The following ATG4C variants were observed in gnomAD, a reference collection of about 807,000 sequenced individuals.
The protein encoded by ATG4C is cysteine protease ATG4C.
ATG4C carries 56 observed loss-of-function variants against 57.6 expected under a neutral mutation model. The ratio of observed to expected loss-of-function variants is 0.97; its 90% confidence interval spans 0.78 to 1.21. The LOEUF is 1.21. Among genes scored for constraint, ATG4C ranks in the 50% most tolerant of loss-of-function variants. The pLI is 0.00. For synonymous variants in ATG4C, 157 were observed against 174.1 expected, an observed-to-expected ratio of 0.90 and a Z score of 0.78; for missense variants, 595 against 529.8, an observed-to-expected ratio of 1.12 and a Z score of -1.21.
chr1:62,838,327 T>TA (rs1666058934), intron 9 of ATG4C, among the ~76,000 whole-genome samples: 1 of 152,010 alleles, frequency 6.6e-6, no homozygotes, highest in African/African-American at 2.4e-5. Flanking sequence ...TTTTAAAAAT[T>TA]AAAAAAAATC....
chr1:62,829,216 C>T, intron 7 of ATG4C, 40 bp downstream of exon 7: 4 of 1,597,942 alleles, frequency 2.5e-6, no homozygotes, highest in Non-Finnish European at 3.4e-6. Flanking sequence ...GCAATACTAG[C>T]TAATATGAAA....
At chr1:62,860,791 T>C (rs1050998777) in intron 10 of ATG4C, among the ~76,000 whole-genome samples, 2 of 152,212 alleles carry the variant, frequency 1.3e-5, no homozygotes, top group African/African-American at 4.8e-5. Context: ...ATATGCTACA[T>C]AGATATACAC....
At chr1:62,861,240 A>G (rs1326396857) in intron 10 of ATG4C, among the ~76,000 whole-genome samples, 1 of 152,146 alleles carries the variant, frequency 6.6e-6, no homozygotes, top group Non-Finnish European at 1.5e-5. Context: ...TAGAAGAATT[A>G]CATGTTAGAA....
intron 10 of ATG4C, 71 bp downstream of exon 10, chr1:62,841,618 A>G: frequency 7.9e-7 from 1 of 1,260,702 alleles, no homozygotes. Context: ...AGAAAGCAAA[A>G]ACCTGTAAAT....
At chr1:62,800,449 G>A (rs1036472508) in intron 1 of ATG4C, among the ~76,000 whole-genome samples, 1 of 151,878 alleles carries the variant, frequency 6.6e-6, no homozygotes, top group African/African-American at 2.4e-5. Context: ...CTGTCCCTGC[G>A]CTTGCCTGTG....
intron 9 of ATG4C, among the ~76,000 whole-genome samples, chr1:62,837,642 T>C (rs1666036923): frequency 6.6e-6 from 1 of 152,204 alleles, no homozygotes; most frequent in South Asian, 2.1e-4. Flanking sequence ...TGTTTTAATC[T>C]ACCTTAGGAA....
chr1:62,796,112 C>A (rs981927209), intron 1 of ATG4C, among the ~76,000 whole-genome samples: 3 of 149,702 alleles, frequency 2.0e-5, no homozygotes, highest in African/African-American at 4.9e-5. Context: ...ATAATTATGG[C>A]TAAATTATTA....
chr1:62,830,076 A>G (rs535249444), intron 7 of ATG4C, among the ~76,000 whole-genome samples: 3 of 152,114 alleles, frequency 2.0e-5, no homozygotes, highest in Non-Finnish European at 4.4e-5. Flanking sequence ...AATTCTAGAA[A>G]TCTAGAGCAG....
At chr1:62,855,653 T>G (rs1294503589) in intron 10 of ATG4C, among the ~76,000 whole-genome samples, 1 of 152,226 alleles carries the variant, frequency 6.6e-6, no homozygotes, top group Non-Finnish European at 1.5e-5. Flanking sequence ...CTAACATTTG[T>G]TGAGTCTTCA....
rs1358337522 is a variant in ATG4C, at chr1:62,864,028, T to C, written c.1246T>C (p.Phe416Leu). 8.8e-6 allele frequency: 14 copies of C among 1,585,354 alleles called. No individual in the cohort carries two copies. The highest frequency in any genetic ancestry group is 1.0e-5 in the Non-Finnish European group (12 of 1,169,858). ...TTCTTCTAAGGAGAAATATCCCTTA[T>C]TTACTTTTGTAAATGGTCATTCCAG... The part of the protein sequence containing the change: ...KFSSKEKYPL[F>L]TFVNGHSRDY... Residue 416 changes from phenylalanine to leucine, a missense_variant, in exon 11 of 11, where the codon TTT (phenylalanine) becomes CTT (leucine). Physicochemically the swap from Phe to Leu is conservative, Grantham distance 22. Transcript: ENST00000317868.
At chr1:62,805,887 G>A (rs1015129563) in intron 3 of ATG4C, among the ~76,000 whole-genome samples, 4 of 152,164 alleles carry the variant, frequency 2.6e-5, no homozygotes, top group African/African-American at 9.7e-5. Flanking sequence ...AACCAAGACT[G>A]TGTCTCTAAT....
At chr1:62,847,514 A>G (rs913476538) in intron 10 of ATG4C, among the ~76,000 whole-genome samples, 3 of 152,206 alleles carry the variant, frequency 2.0e-5, no homozygotes, top group Non-Finnish European at 2.9e-5. Context: ...AAAACGTTTA[A>G]TAGTATATAT....
chr1:62,850,854 GTATATATA>G (rs1161449502), intron 10 of ATG4C, among the ~76,000 whole-genome samples: 4,142 of 83,726 alleles, frequency 0.049, 146 homozygotes, highest in Non-Finnish European at 0.061. Flanking sequence ...GTGTATGTAT[GTATATATA>G]TATATATATA....
intron 9 of ATG4C, among the ~76,000 whole-genome samples, chr1:62,839,999 AAG>A (rs1244954527): frequency 2.0e-5 from 3 of 152,190 alleles, no homozygotes; most frequent in African/African-American, 4.8e-5. Context: ...CAGGGAGAGA[AAG>A]AGTGATTTTA....
chr1:62,861,712 A>G (rs1237764492), intron 10 of ATG4C, among the ~76,000 whole-genome samples: 1 of 152,130 alleles, frequency 6.6e-6, no homozygotes, highest in East Asian at 1.9e-4. Flanking sequence ...TTCAAAATAT[A>G]TATTTGAAAT....
chr1:62,827,592 C>T (rs1665704520), intron 6 of ATG4C, among the ~76,000 whole-genome samples: 1 of 152,084 alleles, frequency 6.6e-6, no homozygotes, highest in Admixed American at 6.6e-5. Flanking sequence ...CTGCTGAAGG[C>T]CCAGTGTCAT....
At position 62,850,856 on chromosome 1, in the gene ATG4C, A is replaced by ATGTGTG. The variant is rs1181424516; in HGVS notation, c.1209+9310_1209+9311insGTGTGT. On this transcript the variant is annotated intron_variant, in intron 10 of 10. Coordinates refer to ENST00000317868, the MANE Select transcript of ATG4C (RefSeq NM_032852.4). ...TGTATGTATGTGTGTGTATGTATGT[A>ATGTGTG]TATATATATATATATATATATATAT... 5.2e-3 allele frequency among the ~76,000 whole-genome samples: 216 copies of ATGTGTG among 41,156 alleles called. 3 individuals are homozygous for ATGTGTG. The highest frequency in any genetic ancestry group is 0.01 in the African/African-American group (77 of 7,530). 27.0% of individuals were successfully genotyped at this position (41,156 alleles called of 152,430 possible). A position where few individuals can be genotyped will look rare whatever the true frequency, so the allele number is the denominator to read the frequency against.
intron 3 of ATG4C, among the ~76,000 whole-genome samples, chr1:62,808,895 T>A (rs1664971223): frequency 6.6e-6 from 1 of 152,180 alleles, no homozygotes; most frequent in Non-Finnish European, 1.5e-5. Flanking sequence ...CATTGTTTTA[T>A]AGAATGAATG....
At chr1:62,825,908 G>C (rs1471613981) in intron 6 of ATG4C, among the ~76,000 whole-genome samples, 4 of 151,786 alleles carry the variant, frequency 2.6e-5, no homozygotes, top group Non-Finnish European at 4.4e-5. Flanking sequence ...TACATGAACT[G>C]ATCACTTTTT....
Sources: gnomAD v4.1 joint callset for allele counts (sites outside exome capture counted in the v4.1 genomes callset) on GRCh38, gnomAD v4.1.1 for gene constraint, MANE v1.5 for transcripts, NCBI Gene and HGNC (gene_info 2026-07-23, HGNC 2026-07-21) for gene names.